The following SGCZ variants were observed in gnomAD, a reference collection of about 807,000 sequenced individuals.
SGCZ encodes the protein sarcoglycan zeta.
SGCZ carries 40 observed loss-of-function variants against 41.3 expected under a neutral mutation model. The ratio of observed to expected loss-of-function variants is 0.97; its 90% CI spans 0.75 to 1.26. SGCZ has a LOEUF of 1.26. SGCZ is among the 50% of genes most tolerant of loss of function. SGCZ has a pLI of 0.00. For missense variants in SGCZ, 552 were observed against 369.8 expected (o/e 1.49, Z -4.04); for synonymous variants, 206 against 137.5 (o/e 1.50, Z -3.49).
chr8:14,370,004 G>A (rs1166836078), intron 2 of SGCZ, among the ~76,000 whole-genome samples: 2 of 151,838 alleles, frequency 1.3e-5, no homozygotes, highest in African/African-American at 4.8e-5. Flanking sequence ...CCCACATCTG[G>A]TTCCTGTGTC....
intron 1 of SGCZ, among the ~76,000 whole-genome samples, chr8:14,604,319 T>C (rs985223713): frequency 1.3e-5 from 2 of 152,070 alleles, no homozygotes; most frequent in African/African-American, 4.8e-5. Flanking sequence ...TTGAGAGAAA[T>C]TGTGAGGCCT....
chr8:15,003,126 A>G (rs976827921), intron 1 of SGCZ, among the ~76,000 whole-genome samples: 1 of 152,150 alleles, frequency 6.6e-6, no homozygotes, highest in Non-Finnish European at 1.5e-5. Context: ...GGTGAAATTT[A>G]ATATTAAAAG....
intron 4 of SGCZ, among the ~76,000 whole-genome samples, chr8:14,200,735 G>A (rs958484808): frequency 2.0e-5 from 3 of 152,084 alleles, no homozygotes; most frequent in Admixed American, 6.5e-5. Context: ...GTGACCTTGA[G>A]TGAGTCAATG....
At chr8:14,463,534 A>T (rs545937424) in intron 2 of SGCZ, among the ~76,000 whole-genome samples, 94 of 151,666 alleles carry the variant, frequency 6.2e-4, no homozygotes, top group African/African-American at 2.2e-3. Flanking sequence ...AAACTATAAA[A>T]TTTTTTTAAG....
intron 1 of SGCZ, among the ~76,000 whole-genome samples, chr8:14,903,218 C>G (rs1453202404): frequency 6.6e-6 from 1 of 152,040 alleles, no homozygotes; most frequent in Non-Finnish European, 1.5e-5. Context: ...TTTCATCAAG[C>G]AAATGTTTTT....
intron 1 of SGCZ, among the ~76,000 whole-genome samples, chr8:15,004,232 C>A (rs1174495390): frequency 6.6e-6 from 1 of 152,034 alleles, no homozygotes; most frequent in Admixed American, 6.6e-5. Flanking sequence ...GCAGGTGCAC[C>A]AAGTATAGAT....
chr8:14,827,170 A>T (rs1340555385), intron 1 of SGCZ, among the ~76,000 whole-genome samples: 1 of 151,766 alleles, frequency 6.6e-6, no homozygotes, highest in South Asian at 2.1e-4. Flanking sequence ...AGTTTCAAAA[A>T]AAAAACAGAC....
At chr8:15,092,863 G>C (rs1806202925) in intron 1 of SGCZ, among the ~76,000 whole-genome samples, 1 of 152,184 alleles carries the variant, frequency 6.6e-6, no homozygotes, top group Non-Finnish European at 1.5e-5. Context: ...ATTTAAAGCA[G>C]ACCCACTTAA....
intron 1 of SGCZ, among the ~76,000 whole-genome samples, chr8:15,109,381 T>C (rs1388804959): frequency 6.6e-6 from 1 of 152,128 alleles, no homozygotes; most frequent in Non-Finnish European, 1.5e-5. Context: ...AGAAGGAATG[T>C]TGGCCAATTG....
chr8:14,493,820 G>T (rs1047467860), intron 2 of SGCZ, among the ~76,000 whole-genome samples: 2 of 151,962 alleles, frequency 1.3e-5, no homozygotes, highest in African/African-American at 4.8e-5. Flanking sequence ...TCCGTAGTGG[G>T]ATTATTTTAG....
rs563281038 is a variant in SGCZ, at chr8:14,358,358, T to C, written c.235-34154A>G. Among the ~76,000 whole-genome samples, 3 of 152,328 alleles carry C rather than the reference T, an allele frequency of 2.0e-5. No homozygotes were observed. In the South Asian group the frequency reaches 6.2e-4, roughly 32 times the overall value. On this transcript the variant is annotated intron_variant, in intron 2 of 7. Coordinates refer to ENST00000382080, the MANE Select transcript of SGCZ (RefSeq NM_139167.4). The stretch of plus-strand genomic sequence containing the variant: ...CACAACTAAGTGGCAAATGTAAGGA[T>C]ACAACCTATGTCATCATTATCTACA...
At chr8:14,345,113 G>A (rs1005152545) in intron 2 of SGCZ, among the ~76,000 whole-genome samples, 1 of 151,992 alleles carries the variant, frequency 6.6e-6, no homozygotes, top group African/African-American at 2.4e-5. Context: ...GGAAAATTAA[G>A]CCAATGAACT....
intron 1 of SGCZ, among the ~76,000 whole-genome samples, chr8:14,971,472 T>C (rs1801294981): frequency 6.6e-6 from 1 of 152,026 alleles, no homozygotes; most frequent in South Asian, 2.1e-4. Flanking sequence ...TGAGAATTTT[T>C]ATCAGGAAAG....
chr8:14,769,624 T>C (rs1020682757), intron 1 of SGCZ, among the ~76,000 whole-genome samples: 18 of 151,694 alleles, frequency 1.2e-4, no homozygotes, highest in African/African-American at 4.1e-4. Context: ...AAACCCAGTC[T>C]CTACTAAAAA....
intron 2 of SGCZ, among the ~76,000 whole-genome samples, chr8:14,522,455 G>C (rs1474407274): frequency 6.6e-6 from 1 of 151,910 alleles, no homozygotes; most frequent in Admixed American, 6.6e-5. Flanking sequence ...TTTGGGTGAG[G>C]TATGATAGTT....
rs140546435 is a variant in SGCZ at position 14,276,711 on chromosome 8, T to A, written c.337-39032A>T. On this transcript the variant is annotated intron_variant, in intron 3 of 7. Transcript: ENST00000382080. Reference sequence around the variant, plus strand: ...TCTCTGGGGCTATTATTCTAAAAATTCAAATTTGATGATTTAATTCTACGC... The same window carrying A: ...TCTCTGGGGCTATTATTCTAAAAATACAAATTTGATGATTTAATTCTACGC... Among the ~76,000 whole-genome samples the A allele has an allele frequency of 2.9e-3, 443 of 152,292 alleles. 2 individuals carry two copies. Among genetic ancestry groups the A allele is most frequent in the African/African-American group, 0.01 (423 of 41,564 alleles).
chr8:15,085,166 C>A (rs2131052259), intron 1 of SGCZ, among the ~76,000 whole-genome samples: 1 of 152,220 alleles, frequency 6.6e-6, no homozygotes, highest in East Asian at 1.9e-4. Flanking sequence ...ATAGGAGGTG[C>A]AGCTAATATT....
Position 15,224,546 on chromosome 8 carries a change from A to G in SGCZ, c.39+13039T>C, listed in dbSNP as rs182721895. Among the ~76,000 whole-genome samples the G allele has an allele frequency of 2.4e-4, 36 of 152,326 alleles. 1 individual carries two copies. The highest frequency in any genetic ancestry group is 1.9e-3 in the Admixed American group (29 of 15,300). On this transcript the variant is annotated intron_variant, in intron 1 of 7. Transcript: ENST00000382080. The stretch of plus-strand genomic sequence containing the variant: ...AGGGAAGTAATTTCTGGGATTAAAC[A>G]TAACTCATGAACTAAAATGCCAGAA...
intron 1 of SGCZ, among the ~76,000 whole-genome samples, chr8:14,724,956 A>T (rs1430713989): frequency 1.3e-5 from 2 of 151,908 alleles, no homozygotes; most frequent in Non-Finnish European, 2.9e-5. Flanking sequence ...TTGTAACTGT[A>T]CTTTTGTACC....
Sources: allele counts gnomAD v4.1 joint callset (sites outside exome capture counted in the v4.1 genomes callset), GRCh38; gene constraint gnomAD v4.1.1; transcripts MANE v1.5; gene names NCBI Gene and HGNC (gene_info 2026-07-23, HGNC 2026-07-21).